PC: variants seen among roughly 807,000 people sequenced by gnomAD.
PC encodes the protein pyruvate carboxylase, mitochondrial.
A neutral mutation model predicts 107.8 loss-of-function variants in PC; 46 were observed. The observed-to-expected ratio is 0.43, with a 90% CI of 0.34 to 0.55. PC has a LOEUF of 0.55. PC is among the 20% of genes least tolerant of loss of function. The pLI, the probability that PC is intolerant of heterozygous loss-of-function variation, is 0.04. For missense variants in PC, 1,241 were observed against 1,643.1 expected, an observed-to-expected ratio of 0.76 and a Z score of 4.23; for synonymous variants, 662 against 684.7, an observed-to-expected ratio of 0.97 and a Z score of 0.52.
At chr11:66,932,175 T>A (rs1298767723) in intron 3 of PC, among the ~76,000 whole-genome samples, 1 of 152,164 alleles carries the variant, frequency 6.6e-6, no homozygotes, top group Non-Finnish European at 1.5e-5. Flanking sequence ...AGGAGACTCA[T>A]ACATTTCAAT....
chr11:66,871,502 A>G lies in PC; in HGVS notation c.322-22T>C. 6.2e-7 allele frequency: 1 copy of G among 1,612,870 alleles called. No individual in the cohort carries two copies. The highest frequency in any genetic ancestry group is 8.5e-7 in the Non-Finnish European group (1 of 1,179,916). ...TCTCCTGCAGGTGGGGGTCAGGGAGAGGACGGTACCTTGCAGTCCCTTCCA... is the reference window on the plus strand; with the variant it reads ...TCTCCTGCAGGTGGGGGTCAGGGAGGGGACGGTACCTTGCAGTCCCTTCCA... On this transcript the variant is annotated intron_variant, in intron 5 of 22. Coordinates refer to ENST00000393960, the MANE Select transcript of PC (RefSeq NM_001040716.2). This position sits in a 1 kb window ranked among gnomAD's most constrained non-coding sequence, Gnocchi z 7.4.
At chr11:66,949,410 C>A (rs1205669915) in intron 3 of PC, among the ~76,000 whole-genome samples, 1 of 152,022 alleles carries the variant, frequency 6.6e-6, no homozygotes, top group Admixed American at 6.6e-5. Flanking sequence ...CAAAAAGCCC[C>A]CTAAGGCCGG....
At chr11:66,928,249 C>A (rs1048665102) in intron 3 of PC, among the ~76,000 whole-genome samples, 1 of 151,948 alleles carries the variant, frequency 6.6e-6, no homozygotes, top group South Asian at 2.1e-4. Context: ...TAGCCAGGCG[C>A]GGTGGTGGAC....
chr11:66,924,929 A>G (rs1323258847), intron 3 of PC, among the ~76,000 whole-genome samples: 3 of 152,188 alleles, frequency 2.0e-5, no homozygotes, highest in Non-Finnish European at 4.4e-5. Flanking sequence ...AGTACAAAAG[A>G]GAGAAATTTT....
rs1945544379 is a variant in PC at position 66,852,234 on chromosome 11, C to A, written c.1825+205G>T. ...CAGGTGTCTCCTCCTGACCCTGGAC[C>A]TCCCAGGATGCACCTGGTCTCAGCT... is the stretch of plus-strand genomic sequence containing the variant. On this transcript the variant is annotated intron_variant, in intron 15 of 22. Transcript: ENST00000393960. The surrounding 1 kb of genome is among the most constrained non-coding windows in gnomAD (Gnocchi z 4.7). Among the ~76,000 whole-genome samples, 1 of 152,258 alleles carries A rather than the reference C, an allele frequency of 6.6e-6. No homozygotes were observed. The highest frequency in any genetic ancestry group is 2.4e-5 in the African/African-American group (1 of 41,456).
chr11:66,864,035 G>T, intron 11 of PC, 79 bp from the exon 12 acceptor site: 2 of 1,405,328 alleles, frequency 1.4e-6, no homozygotes, highest in Non-Finnish European at 2.0e-6. Flanking sequence ...GGCTGGCCAG[G>T]TGTGCACCCA....
intron 10 of PC, among the ~76,000 whole-genome samples, chr11:66,867,527 T>G (rs1946545138): frequency 6.6e-6 from 1 of 152,196 alleles, no homozygotes. Flanking sequence ...TTCCACTCAG[T>G]GCCACAGGCC....
At chr11:66,861,372 C>T (rs916776052) in intron 12 of PC, among the ~76,000 whole-genome samples, 15 of 152,212 alleles carry the variant, frequency 9.9e-5, no homozygotes, top group African/African-American at 2.2e-4. Context: ...CCCCAGGCCA[C>T]GGCAAACACG....
At chr11:66,899,924 T>C (rs1170940658) in intron 3 of PC, among the ~76,000 whole-genome samples, 1 of 152,218 alleles carries the variant, frequency 6.6e-6, no homozygotes, top group African/African-American at 2.4e-5. Context: ...TTGTATATGG[T>C]ATGAGGTGGG....
chr11:66,888,229 A>G (rs1379421049), intron 3 of PC, among the ~76,000 whole-genome samples: 2 of 152,268 alleles, frequency 1.3e-5, no homozygotes, highest in East Asian at 3.8e-4. Context: ...AACTGTCTTC[A>G]GCAGTGACAT....
chr11:66,853,201 G>A, intron 13 of PC, 38 bp downstream of exon 13: 1 of 1,604,204 alleles, frequency 6.2e-7, no homozygotes, highest in Non-Finnish European at 8.5e-7. Flanking sequence ...GAGAGCGGAG[G>A]GGAGGGGAGG....
In PC at chr11:66,866,385, A is replaced by C; in HGVS notation, c.1023-36T>G. ...TTGGGGGGAGGGGGGAAAGGACGGG[A>C]GAAAGGGGGAAACATGAGGCGGGGG... On this transcript the variant is annotated intron_variant, in intron 10 of 22. Coordinates refer to ENST00000393960, the MANE Select transcript of PC (RefSeq NM_001040716.2). This position sits in a 1 kb window ranked among gnomAD's most constrained non-coding sequence, Gnocchi z 5.4. 1 of 1,399,444 alleles carries C rather than the reference A, an allele frequency of 7.1e-7. No homozygotes were observed. The highest frequency in any genetic ancestry group is 1.0e-6 in the Non-Finnish European group (1 of 1,004,308). 86.7% of individuals were successfully genotyped at this position (1,399,444 alleles called of 1,614,324 possible).
Position 66,851,812 on chromosome 11 carries a change from A to G in PC, c.1960T>C (p.Tyr654His). Residue 654 changes from tyrosine to histidine, a missense_variant, in exon 16 of 23, where the codon TAC becomes CAC. Tyr to His is a moderately conservative substitution (Grantham distance 83). Around this residue, in one of 2 missense-constraint regions of PC, gnomAD observed 1,143 missense variants for 1,551.9 expected, o/e 0.74. Coordinates refer to ENST00000393960, the MANE Select transcript of PC (RefSeq NM_001040716.2). Reference sequence around the variant, plus strand: ...CACTTGAAGACCACGTTGTCTGGGTAGTTGGTGTAGCCCACAGCATTGGCC... The same window carrying G: ...CACTTGAAGACCACGTTGTCTGGGTGGTTGGTGTAGCCCACAGCATTGGCC... ...RGANAVGYTNYPDNVVFKFCE... is the reference protein window; with the variant it reads ...RGANAVGYTNHPDNVVFKFCE... 3 of 1,614,072 alleles carry G rather than the reference A, an allele frequency of 1.9e-6. No individual in the cohort carries two copies. Among genetic ancestry groups the G allele is most frequent in the East Asian group, 2.2e-5 (1 of 44,888 alleles).
In PC at chr11:66,858,723, C is replaced by T; in HGVS notation, c.1368+5051G>A. 6.4e-7 allele frequency: 1 copy of T among 1,552,150 alleles called. No individual in the cohort carries two copies. The highest frequency in any genetic ancestry group is 2.4e-5 in the East Asian group (1 of 41,434). On this transcript the variant is annotated intron_variant, in intron 12 of 22. Transcript: ENST00000393960. The surrounding 1 kb of genome is among the most constrained non-coding windows in gnomAD (Gnocchi z 5.9). ...CGACCGGTTGGTTGGCAACTCCTCC[C>T]GAGCCCGGGCTTTCCCCAACGGGAC...
At chr11:66,854,926 C>CA (rs1318398000) in intron 12 of PC, among the ~76,000 whole-genome samples, 5 of 152,240 alleles carry the variant, frequency 3.3e-5, no homozygotes, top group African/African-American at 1.2e-4. Context: ...AGAAGGGAGG[C>CA]AGCTAATGAA....
At chr11:66,876,978 T>C (rs1217148132) in intron 3 of PC, among the ~76,000 whole-genome samples, 1 of 152,102 alleles carries the variant, frequency 6.6e-6, no homozygotes, top group Non-Finnish European at 1.5e-5. Flanking sequence ...GGGAGCTTTG[T>C]AAATGCAGTG....
intron 3 of PC, among the ~76,000 whole-genome samples, chr11:66,907,289 A>T (rs1948194257): frequency 6.6e-6 from 1 of 152,222 alleles, no homozygotes; most frequent in Non-Finnish European, 1.5e-5. Context: ...GCACTTTGGG[A>T]GGCCGAGGCG....
intron 3 of PC, among the ~76,000 whole-genome samples, chr11:66,879,423 T>G (rs982412120): frequency 6.6e-6 from 1 of 152,286 alleles, no homozygotes; most frequent in South Asian, 2.1e-4. Context: ...ACAAAAGTAG[T>G]TGGGAGTGTC....
intron 3 of PC, among the ~76,000 whole-genome samples, chr11:66,938,782 G>C (rs1949057540): frequency 1.3e-5 from 2 of 152,102 alleles, no homozygotes; most frequent in Admixed American, 6.6e-5. Context: ...AGCTTGATTA[G>C]GATACATGAG....
Sources: allele counts gnomAD v4.1 joint callset (sites outside exome capture counted in the v4.1 genomes callset), GRCh38; gene constraint gnomAD v4.1.1; regional missense constraint gnomAD v4.1.1; non-coding constraint Gnocchi (gnomAD v3.1); transcripts MANE v1.5; gene names NCBI Gene and HGNC (gene_info 2026-07-23, HGNC 2026-07-21).